PCSK5: variants seen among roughly 807,000 people sequenced by gnomAD.
PCSK5 encodes proprotein convertase subtilisin/kexin type 5, also known as prohormone convertase 5.
Under a neutral mutation model 233.2 loss-of-function variants are expected in PCSK5, and 129 were observed. That is an observed-to-expected ratio of 0.55 (90% confidence interval 0.48 to 0.64). The LOEUF is 0.64. Ranked by LOEUF, PCSK5 falls within the 30% of genes least tolerant of loss-of-function variation. The pLI, the probability that PCSK5 is intolerant of heterozygous loss-of-function variation, is 0.00. For synonymous variants in PCSK5, 825 were observed against 879.2 expected, an observed-to-expected ratio of 0.94 and a Z score of 1.09; for missense variants, 2,076 against 2,430.1, an observed-to-expected ratio of 0.85 and a Z score of 3.06.
At chr9:76,080,591 A>G (rs1442563032) in intron 7 of PCSK5, among the ~76,000 whole-genome samples, 1 of 152,186 alleles carries the variant, frequency 6.6e-6, no homozygotes, top group Non-Finnish European at 1.5e-5. Context: ...AATGTTATAA[A>G]CATACATGGT....
At chr9:76,327,501 T>C (rs1829399803) in intron 32 of PCSK5, among the ~76,000 whole-genome samples, 1 of 152,204 alleles carries the variant, frequency 6.6e-6, no homozygotes, top group African/African-American at 2.4e-5. Flanking sequence ...TCCTATTACA[T>C]GCCAGGCCCT....
chr9:76,128,860 T>A (rs1458067245), intron 9 of PCSK5, among the ~76,000 whole-genome samples: 1 of 152,194 alleles, frequency 6.6e-6, no homozygotes, highest in Admixed American at 6.5e-5. Flanking sequence ...TATTTTCCAA[T>A]ACCACAAACC....
intron 16 of PCSK5, 60 bp downstream of exon 16, chr9:76,181,651 ACCTCAGGAGGGATAG>A: frequency 8.8e-7 from 1 of 1,136,400 alleles, no homozygotes; most frequent in Non-Finnish European, 1.3e-6. Flanking sequence ...CATTTGAGTG[ACCTCAGGAGGGATAG>A]CCTCTTTGTG....
chr9:76,205,329 G>A, intron 20 of PCSK5: 1 of 498,424 alleles, frequency 2.0e-6, no homozygotes, highest in Non-Finnish European at 4.0e-6. Context: ...ACAGCGTGAG[G>A]AGGTGGCGAG....
intron 7 of PCSK5, among the ~76,000 whole-genome samples, chr9:76,072,327 A>G (rs1173637838): frequency 6.6e-6 from 1 of 152,172 alleles, no homozygotes; most frequent in Non-Finnish European, 1.5e-5. Flanking sequence ...TCCCAGGACA[A>G]TATTATTTGT....
intron 2 of PCSK5, among the ~76,000 whole-genome samples, chr9:75,944,928 G>A (rs1466995152): frequency 6.6e-6 from 1 of 152,018 alleles, no homozygotes. Flanking sequence ...TGACCAACAT[G>A]GAGAAACACC....
rs147990505 is a variant in PCSK5, at chr9:76,359,012, T to A, written c.*90T>A. 5.5e-4 allele frequency: 558 copies of A among 1,016,406 alleles called. 5 individuals carry two copies. The highest frequency in any genetic ancestry group is 4.1e-3 in the Middle Eastern group (16 of 3,868). The allele number at this position is 1,016,406 out of a possible 1,614,324, so 63.0% of individuals were successfully genotyped here. A position where few individuals can be genotyped will look rare whatever the true frequency, so the allele number is the denominator to read the frequency against. ...TGGTTTTATCCCCACACCAGGCTGATGTGTGAGTTTTTCTATTTGTCTTCT... is the reference window on the plus strand; with the variant it reads ...TGGTTTTATCCCCACACCAGGCTGAAGTGTGAGTTTTTCTATTTGTCTTCT... On this transcript the variant is annotated 3_prime_UTR_variant, in exon 38 of 38. Coordinates refer to ENST00000674117, the MANE Select transcript of PCSK5 (RefSeq NM_001372043.1).
chr9:75,993,436 G>T (rs941141088), intron 3 of PCSK5, among the ~76,000 whole-genome samples: 1 of 152,154 alleles, frequency 6.6e-6, no homozygotes, highest in African/African-American at 2.4e-5. Context: ...TGAACATTTA[G>T]TTCTACATGG....
intron 29 of PCSK5, among the ~76,000 whole-genome samples, chr9:76,310,429 C>T (rs186385164): frequency 2.0e-3 from 304 of 152,206 alleles, no homozygotes; most frequent in African/African-American, 6.7e-3. Flanking sequence ...ATGACCTATA[C>T]CTAATATCTG....
At chr9:76,051,001 A>G (rs1829610552) in intron 5 of PCSK5, among the ~76,000 whole-genome samples, 2 of 152,186 alleles carry the variant, frequency 1.3e-5, no homozygotes, top group South Asian at 2.1e-4. Flanking sequence ...CATAAGAGCA[A>G]TATTTTTTGC....
intron 2 of PCSK5, among the ~76,000 whole-genome samples, chr9:75,958,359 G>A (rs559824814): frequency 2.0e-5 from 3 of 152,318 alleles, no homozygotes; most frequent in African/African-American, 7.2e-5. Flanking sequence ...ATGGAGTGCA[G>A]CTCAGGGGAG....
chr9:76,012,898 T>A (rs1207984945), intron 3 of PCSK5, among the ~76,000 whole-genome samples: 1 of 152,190 alleles, frequency 6.6e-6, no homozygotes, highest in East Asian at 1.9e-4. Flanking sequence ...TCAGATTTCT[T>A]ATAGAAATAA....
At chr9:75,989,550 G>T (rs1826675382) in intron 3 of PCSK5, among the ~76,000 whole-genome samples, 1 of 152,082 alleles carries the variant, frequency 6.6e-6, no homozygotes, top group Non-Finnish European at 1.5e-5. Context: ...TTCAGACGGG[G>T]CCCAGGGATG....
intron 20 of PCSK5, chr9:76,193,101 C>T: frequency 6.5e-6 from 4 of 616,806 alleles, no homozygotes; most frequent in South Asian, 6.3e-5. Context: ...AAATTTCCTC[C>T]TGTTGACTAC....
intron 9 of PCSK5, among the ~76,000 whole-genome samples, chr9:76,114,295 ATT>A (rs1832339457): frequency 6.6e-6 from 1 of 152,134 alleles, no homozygotes; most frequent in South Asian, 2.1e-4. Flanking sequence ...TAGTGAAATA[ATT>A]GTAACCAGAC....
At chr9:75,989,605 A>T (rs1195458288) in intron 3 of PCSK5, among the ~76,000 whole-genome samples, 1 of 152,030 alleles carries the variant, frequency 6.6e-6, no homozygotes, top group African/African-American at 2.4e-5. Flanking sequence ...TAGCTAGAAG[A>T]CTCAAAGGCT....
rs913035676 is a variant in PCSK5 at position 76,181,390 on chromosome 9, C to T, written c.2004-8C>T. 1 of 1,605,890 alleles carries T rather than the reference C, an allele frequency of 6.2e-7. No individual in the cohort carries two copies. Among genetic ancestry groups the T allele is most frequent in the Non-Finnish European group, 8.5e-7 (1 of 1,176,030 alleles). On this transcript the variant is annotated splice_polypyrimidine_tract_variant and splice_region_variant and intron_variant, in intron 15 of 37. Transcript: ENST00000674117. ...CGCTGCCTTCTTTCTTATTGTTTCA[C>T]AATGCAGGATCTGTGTCTCCAGCTG...
intron 20 of PCSK5, among the ~76,000 whole-genome samples, chr9:76,198,496 T>C (rs2131265669): frequency 6.6e-6 from 1 of 152,312 alleles, no homozygotes; most frequent in East Asian, 1.9e-4. Context: ...GAGGCACAGC[T>C]AGTTAAGGGG....
intron 2 of PCSK5, among the ~76,000 whole-genome samples, chr9:75,966,489 GC>G (rs1281215901): frequency 6.6e-6 from 1 of 152,186 alleles, no homozygotes; most frequent in Non-Finnish European, 1.5e-5. Flanking sequence ...AGAGCAACTT[GC>G]CATCCCAATC....
Sources: allele counts gnomAD v4.1 joint callset (sites outside exome capture counted in the v4.1 genomes callset), GRCh38; gene constraint gnomAD v4.1.1; transcripts MANE v1.5; gene names NCBI Gene and HGNC (gene_info 2026-07-23, HGNC 2026-07-21).